Variants in NAV2 observed in about 807,000 individuals in gnomAD.
NAV2 encodes helicase, APC down-regulated 1.
A neutral mutation model predicts 223.2 loss-of-function variants in NAV2; 54 were observed. The observed-to-expected ratio is 0.24, with a 90% confidence interval of 0.19 to 0.30. The LOEUF is 0.30. Among genes scored for constraint, NAV2 ranks in the 10% least tolerant of loss-of-function variants. The pLI, the probability that NAV2 is intolerant of heterozygous loss-of-function variation, is 1.00. For synonymous variants in NAV2, 1,279 were observed against 1,239.3 expected, an observed-to-expected ratio of 1.03 and a Z score of -0.67; for missense variants, 2,806 against 3,147.5, an observed-to-expected ratio of 0.89 and a Z score of 2.60.
chr11:19,534,131 A>C (rs1240533710), intron 1 of NAV2, among the ~76,000 whole-genome samples: 1 of 152,174 alleles, frequency 6.6e-6, no homozygotes, highest in Non-Finnish European at 1.5e-5. Flanking sequence ...CCCATGTCAT[A>C]GGCCACCTTG....
At chr11:19,437,857 A>G (rs1465471213) in intron 1 of NAV2, among the ~76,000 whole-genome samples, 2 of 152,236 alleles carry the variant, frequency 1.3e-5, no homozygotes, top group Non-Finnish European at 2.9e-5. Context: ...CAGGCAAAAT[A>G]CATTGAATAA....
intron 1 of NAV2, among the ~76,000 whole-genome samples, chr11:19,597,859 A>G (rs1272430165): frequency 1.3e-5 from 2 of 152,228 alleles, no homozygotes; most frequent in Non-Finnish European, 2.9e-5. Context: ...AGATGAGTGG[A>G]GGAATGGCCG....
intron 1 of NAV2, among the ~76,000 whole-genome samples, chr11:19,532,642 G>A (rs931909135): frequency 9.2e-5 from 14 of 152,182 alleles, no homozygotes; most frequent in Non-Finnish European, 1.5e-4. Context: ...GGCTACTCAC[G>A]GTGGTGGAGC....
chr11:20,090,511 C>T (rs1346380545), intron 26 of NAV2, among the ~76,000 whole-genome samples: 1 of 151,618 alleles, frequency 6.6e-6, no homozygotes, highest in Non-Finnish European at 1.5e-5. Flanking sequence ...CCACAAAAAG[C>T]AGGAAAAGAG....
chr11:19,633,399 T>A (rs2047399439), intron 1 of NAV2, among the ~76,000 whole-genome samples: 1 of 152,264 alleles, frequency 6.6e-6, no homozygotes, highest in Non-Finnish European at 1.5e-5. Flanking sequence ...TAAGAGGTAC[T>A]CAGCCCGCCA....
intron 6 of NAV2, among the ~76,000 whole-genome samples, chr11:19,916,212 A>G (rs1166516454): frequency 6.6e-6 from 1 of 152,246 alleles, no homozygotes; most frequent in Non-Finnish European, 1.5e-5. Flanking sequence ...AAAAGCCAGT[A>G]ACATCCACCA....
At chr11:20,068,159 C>A in intron 20 of NAV2, 27 bp from the exon 21 acceptor site, 1 of 1,611,756 alleles carries the variant, frequency 6.2e-7, no homozygotes, top group South Asian at 1.1e-5. Context: ...CTTAACTGGT[C>A]TAATTTCCTT....
chr11:20,037,181 C>G (rs1263990241), intron 12 of NAV2, among the ~76,000 whole-genome samples: 2 of 151,942 alleles, frequency 1.3e-5, no homozygotes, highest in Non-Finnish European at 2.9e-5. Context: ...CTTTGGCGAA[C>G]CCTTGGAGAA....
intron 6 of NAV2, among the ~76,000 whole-genome samples, chr11:19,907,277 T>G (rs2042941957): frequency 1.3e-5 from 2 of 152,090 alleles, no homozygotes; most frequent in Admixed American, 1.3e-4. Context: ...TTGCTTCAGA[T>G]CAAAAGTCTG....
upstream of NAV2, among the ~76,000 whole-genome samples, chr11:19,346,642 C>T (rs888643912): frequency 6.6e-6 from 1 of 152,248 alleles, no homozygotes; most frequent in East Asian, 1.9e-4. Flanking sequence ...GGCGGGAGCA[C>T]GCTCCGCTCG....
intron 1 of NAV2, among the ~76,000 whole-genome samples, chr11:19,625,443 A>G (rs962697912): frequency 1.4e-4 from 21 of 152,066 alleles, no homozygotes; most frequent in African/African-American, 5.1e-4. Context: ...CATTTTCTTT[A>G]TTGATTCATC....
chr11:20,054,483 C>T (rs921444105), intron 18 of NAV2, among the ~76,000 whole-genome samples: 1 of 151,852 alleles, frequency 6.6e-6, no homozygotes, highest in Non-Finnish European at 1.5e-5. Flanking sequence ...CAATATAGAT[C>T]GATTACAGGG....
chr11:20,075,790 G>A (rs1345114727), intron 22 of NAV2, among the ~76,000 whole-genome samples: 1 of 125,856 alleles, frequency 7.9e-6, no homozygotes, highest in Non-Finnish European at 1.6e-5. Context: ...CACCCCCCAT[G>A]CTTATCCAGC....
intron 1 of NAV2, among the ~76,000 whole-genome samples, chr11:19,366,524 G>A (rs1485120611): frequency 6.6e-6 from 1 of 152,142 alleles, no homozygotes; most frequent in Non-Finnish European, 1.5e-5. Flanking sequence ...TTGAAGAAAG[G>A]CTTCAGATCC....
intron 1 of NAV2, among the ~76,000 whole-genome samples, chr11:19,356,580 G>A (rs1590041767): frequency 1.3e-5 from 2 of 152,138 alleles, no homozygotes; most frequent in East Asian, 3.9e-4. Context: ...GGAGGAGGGG[G>A]AACGTGAGCT....
intron 11 of NAV2, among the ~76,000 whole-genome samples, chr11:19,994,577 A>G (rs1386189593): frequency 1.3e-5 from 2 of 151,900 alleles, no homozygotes; most frequent in African/African-American, 4.8e-5. Context: ...AAAGAGTAAA[A>G]AAAGAAAGGT....
At chr11:19,544,519 T>C (rs908862194) in intron 1 of NAV2, among the ~76,000 whole-genome samples, 2 of 152,122 alleles carry the variant, frequency 1.3e-5, no homozygotes, top group African/African-American at 4.8e-5. Flanking sequence ...ATTCCACACA[T>C]GGGAAATTAA....
rs529541113 is a variant in NAV2 at position 19,894,711 on chromosome 11, A to T, written c.931+2117A>T. Among the ~76,000 whole-genome samples the T allele has an allele frequency of 9.4e-4, 143 of 152,294 alleles. 1 individual carries two copies. Among genetic ancestry groups the T allele is most frequent in the African/African-American group, 3.3e-3 (137 of 41,570 alleles). ...CCCCAGGGAAAGACTTTAGTGTCAG[A>T]AGAAAGAAAGGGAAGTCATACTTAT... On this transcript the variant is annotated intron_variant, in intron 6 of 37. Transcript: ENST00000349880.
At chr11:19,666,238 G>A (rs185785749) in intron 1 of NAV2, among the ~76,000 whole-genome samples, 13 of 152,214 alleles carry the variant, frequency 8.5e-5, no homozygotes, top group Admixed American at 1.3e-4. Context: ...TTTCTTCACC[G>A]GCCAGACCAA....
Sources: allele counts gnomAD v4.1 joint callset (sites outside exome capture counted in the v4.1 genomes callset), GRCh38; gene constraint gnomAD v4.1.1; transcripts MANE v1.5; gene names NCBI Gene and HGNC (gene_info 2026-07-23, HGNC 2026-07-21).